Variants in CTNND2 observed in about 807,000 individuals in gnomAD.
CTNND2 encodes catenin delta 2, also known as catenin delta-2.
Under a neutral mutation model 144.4 loss-of-function variants are expected in CTNND2, and 22 were observed. The observed-to-expected ratio is 0.15, with a 90% CI of 0.11 to 0.22. CTNND2 has a LOEUF of 0.22. CTNND2 is among the 10% of genes least tolerant of loss of function. The probability of loss-of-function intolerance (pLI) is 1.00; values close to 1 mark genes in which losing one functional copy is unlikely to be tolerated. For missense variants in CTNND2, 1,353 were observed against 1,618.8 expected (o/e 0.84, Z 2.82); for synonymous variants, 751 against 695.6 (o/e 1.08, Z -1.25).
intron 2 of CTNND2, among the ~76,000 whole-genome samples, chr5:11,628,196 C>T (rs1781253701): frequency 6.6e-6 from 1 of 152,026 alleles, no homozygotes; most frequent in African/African-American, 2.4e-5. Flanking sequence ...TCCAAAAAGA[C>T]AGAATTTAAA....
intron 3 of CTNND2, among the ~76,000 whole-genome samples, chr5:11,502,408 T>A (rs1770621839): frequency 6.6e-6 from 1 of 152,214 alleles, no homozygotes. Flanking sequence ...TTGTACCTGC[T>A]GATGGTTGCT....
At chr5:11,844,721 A>C (rs1446845261) in intron 1 of CTNND2, among the ~76,000 whole-genome samples, 1 of 152,108 alleles carries the variant, frequency 6.6e-6, no homozygotes, top group African/African-American at 2.4e-5. Context: ...TGATGAACTG[A>C]TTTTTAAAAA....
intron 9 of CTNND2, among the ~76,000 whole-genome samples, chr5:11,266,217 T>G (rs2149966543): frequency 6.6e-6 from 1 of 152,344 alleles, no homozygotes; most frequent in East Asian, 1.9e-4. Context: ...TGCTACCACT[T>G]GGGCTTTGTT....
chr5:11,755,859 T>C (rs1788904300), intron 1 of CTNND2, among the ~76,000 whole-genome samples: 1 of 151,672 alleles, frequency 6.6e-6, no homozygotes, highest in Non-Finnish European at 1.5e-5. Flanking sequence ...CTTATAGTTC[T>C]TGGATTGAGT....
At chr5:11,120,975 C>A (rs559684261) in intron 12 of CTNND2, among the ~76,000 whole-genome samples, 154 of 152,284 alleles carry the variant, frequency 1.0e-3, no homozygotes, top group Middle Eastern at 6.8e-3. Context: ...CCTGTTCCTC[C>A]GTCTTCCCCA....
At chr5:11,172,969 A>T (rs1760083533) in intron 11 of CTNND2, among the ~76,000 whole-genome samples, 1 of 152,210 alleles carries the variant, frequency 6.6e-6, no homozygotes, top group Admixed American at 6.5e-5. Context: ...TTTGGACCTA[A>T]GGGAAATCAC....
chr5:11,139,159 C>T (rs944375111), intron 12 of CTNND2, among the ~76,000 whole-genome samples: 1 of 152,106 alleles, frequency 6.6e-6, no homozygotes, highest in Non-Finnish European at 1.5e-5. Flanking sequence ...CAGTGTTTTG[C>T]TATGTTGCCC....
chr5:11,426,084 TC>T (rs1762753335), intron 3 of CTNND2, among the ~76,000 whole-genome samples: 2 of 152,096 alleles, frequency 1.3e-5, no homozygotes, highest in African/African-American at 4.8e-5. Context: ...ACCCCCACCC[TC>T]CTCCTTGGCT....
intron 3 of CTNND2, among the ~76,000 whole-genome samples, chr5:11,564,533 C>T (rs1314998869): frequency 1.3e-5 from 2 of 151,854 alleles, no homozygotes; most frequent in African/African-American, 4.8e-5. Context: ...CATAACTTAG[C>T]ATTATGTATT....
intron 3 of CTNND2, among the ~76,000 whole-genome samples, chr5:11,422,059 T>A (rs10065615): frequency 6.6e-6 from 1 of 152,128 alleles, no homozygotes; most frequent in Non-Finnish European, 1.5e-5. Context: ...CATTACCACA[T>A]AGAGAAGAAC....
intron 8 of CTNND2, among the ~76,000 whole-genome samples, chr5:11,350,959 T>C (rs1044440915): frequency 5.9e-5 from 9 of 152,290 alleles, no homozygotes; most frequent in East Asian, 1.9e-4. Flanking sequence ...AATCAATCAA[T>C]ATTAGAAAAT....
chr5:11,431,961 G>C (rs912796494), intron 3 of CTNND2, among the ~76,000 whole-genome samples: 3 of 152,138 alleles, frequency 2.0e-5, no homozygotes, highest in Admixed American at 6.5e-5. Context: ...TTATATGTCT[G>C]CATTTTATTT....
At chr5:11,750,385 C>G (rs956826489) in intron 1 of CTNND2, among the ~76,000 whole-genome samples, 1 of 151,880 alleles carries the variant, frequency 6.6e-6, no homozygotes, top group Non-Finnish European at 1.5e-5. Context: ...GAGGTTTCAT[C>G]TACCCACAGA....
intron 7 of CTNND2, among the ~76,000 whole-genome samples, chr5:11,368,649 T>A (rs567711117): frequency 6.6e-5 from 10 of 152,342 alleles, no homozygotes; most frequent in African/African-American, 2.4e-4. Flanking sequence ...AGGGTGTTGA[T>A]GTTCAATAGT....
At chr5:11,688,988 C>A (rs1049965349) in intron 2 of CTNND2, among the ~76,000 whole-genome samples, 3 of 152,174 alleles carry the variant, frequency 2.0e-5, no homozygotes, top group Non-Finnish European at 2.9e-5. Flanking sequence ...CCAAGAGACA[C>A]CAAGATGACT....
chr5:11,269,696 T>C (rs1468695701), intron 9 of CTNND2, among the ~76,000 whole-genome samples: 1 of 152,120 alleles, frequency 6.6e-6, no homozygotes, highest in East Asian at 1.9e-4. Flanking sequence ...ACAAAAAAGG[T>C]GCCTCTCTTT....
At chr5:11,666,203 C>T (rs1367015083) in intron 2 of CTNND2, among the ~76,000 whole-genome samples, 2 of 152,144 alleles carry the variant, frequency 1.3e-5, no homozygotes, top group African/African-American at 2.4e-5. Flanking sequence ...TGCCAAAAAG[C>T]ACCTGGAGAA....
chr5:11,739,119 A>G lies in CTNND2; in HGVS notation c.38-6847T>C, dbSNP rs972358947. ...AGAGCTAGAGATGGCCAGTGGGTAC[A>G]CTATTGAACAGTGAAAAGTGGAAGA... is the stretch of plus-strand genomic sequence containing the variant. On this transcript the variant is annotated intron_variant, in intron 1 of 21. Transcript: ENST00000304623. Among the ~76,000 whole-genome samples the G allele has an allele frequency of 3.3e-5, 5 of 152,186 alleles. No homozygotes were observed. The East Asian group carries it at 9.6e-4, about 29-fold the overall frequency.
intron 16 of CTNND2, among the ~76,000 whole-genome samples, chr5:11,061,869 C>T (rs547678016): frequency 3.9e-5 from 6 of 152,152 alleles, no homozygotes; most frequent in East Asian, 1.9e-4. Flanking sequence ...CTACCACACC[C>T]GGCTAATTTT....
Sources: gnomAD v4.1 joint callset for allele counts (sites outside exome capture counted in the v4.1 genomes callset) on GRCh38, gnomAD v4.1.1 for gene constraint, MANE v1.5 for transcripts, NCBI Gene and HGNC (gene_info 2026-07-23, HGNC 2026-07-21) for gene names.